The following PKP2 variants were observed in gnomAD, a reference collection of about 807,000 sequenced individuals.
The protein encoded by PKP2 is plakophilin-2.
A neutral mutation model predicts 83.4 loss-of-function variants in PKP2; 73 were observed. That is an observed-to-expected ratio of 0.88 (90% CI 0.72 to 1.06). The LOEUF (loss-of-function observed/expected upper bound fraction) is 1.06. PKP2 is among the 50% of genes least tolerant of loss of function. PKP2 has a pLI of 0.00. For missense variants in PKP2, 966 were observed against 1,065.4 expected, an observed-to-expected ratio of 0.91 and a Z score of 1.30; for synonymous variants, 409 against 430.4, an observed-to-expected ratio of 0.95 and a Z score of 0.62.
intron 5 of PKP2, among the ~76,000 whole-genome samples, chr12:32,842,032 A>G (rs891394493): frequency 6.6e-6 from 1 of 152,212 alleles, no homozygotes; most frequent in African/African-American, 2.4e-5. Context: ...AACTGAGATA[A>G]TAGCATGTTG....
chr12:32,892,075 G>A (rs1008345854), intron 1 of PKP2, among the ~76,000 whole-genome samples: 30 of 152,016 alleles, frequency 2.0e-4, no homozygotes, highest in African/African-American at 7.0e-4. Context: ...TCAGAGCAGA[G>A]GGCCATGACC....
At chr12:32,860,963 G>A (rs1286360352) in intron 4 of PKP2, among the ~76,000 whole-genome samples, 1 of 152,124 alleles carries the variant, frequency 6.6e-6, no homozygotes, top group East Asian at 1.9e-4. Flanking sequence ...GGGAGGTGGA[G>A]GTTGCAGTGA....
chr12:32,850,778 T>C lies in PKP2; in HGVS notation c.1366A>G (p.Lys456Glu). Reference protein sequence around the residue: ...LKQTRDLETKKQITGLLWNLS... With the variant: ...LKQTRDLETKEQITGLLWNLS... ...CAGTAAGCACTACCTGTTATTTGTTTTTTAGTCTCCAAGTCTCTGGTTTGC... is the reference window on the plus strand; with the variant it reads ...CAGTAAGCACTACCTGTTATTTGTTCTTTAGTCTCCAAGTCTCTGGTTTGC... Residue 456 changes from lysine (K) to glutamate (E), a missense_variant, in exon 5 of 13, where the codon AAA (lysine) becomes GAA (glutamate). Physicochemically the swap from Lys to Glu is moderately conservative, Grantham distance 56. Transcript: ENST00000340811. 6.2e-7 allele frequency: 1 copy of C among 1,612,412 alleles called. No individual in the cohort carries two copies. The highest frequency in any genetic ancestry group is 8.5e-7 in the Non-Finnish European group (1 of 1,179,660).
At chr12:32,859,797 A>G (rs1956783110) in intron 4 of PKP2, among the ~76,000 whole-genome samples, 1 of 152,172 alleles carries the variant, frequency 6.6e-6, no homozygotes, top group African/African-American at 2.4e-5. Context: ...TCTTGATTTC[A>G]AATATAAGAA....
intron 4 of PKP2, among the ~76,000 whole-genome samples, chr12:32,853,712 T>C (rs1320092317): frequency 6.6e-6 from 1 of 152,140 alleles, no homozygotes; most frequent in Non-Finnish European, 1.5e-5. Context: ...GGTTTTGCCA[T>C]GTTGGCCAGG....
intron 9 of PKP2, among the ~76,000 whole-genome samples, chr12:32,814,655 G>A (rs2137755282): frequency 6.6e-6 from 1 of 152,278 alleles, no homozygotes; most frequent in Admixed American, 6.5e-5. Context: ...TGGGCACTAT[G>A]GCTCAAGCCT....
At chr12:32,880,685 G>A (rs903779218) in intron 1 of PKP2, among the ~76,000 whole-genome samples, 5 of 152,124 alleles carry the variant, frequency 3.3e-5, no homozygotes, top group Non-Finnish European at 7.3e-5. Flanking sequence ...TTCAACTGAT[G>A]CCTGTCTCAT....
At chr12:32,843,539 G>A (rs925108112) in intron 5 of PKP2, among the ~76,000 whole-genome samples, 16 of 152,200 alleles carry the variant, frequency 1.1e-4, no homozygotes, top group African/African-American at 3.9e-4. Context: ...TGCTTCTGCT[G>A]TGCACAGGTA....
At chr12:32,843,570 C>T (rs1956620278) in intron 5 of PKP2, among the ~76,000 whole-genome samples, 2 of 152,108 alleles carry the variant, frequency 1.3e-5, no homozygotes, top group South Asian at 4.2e-4. Context: ...GAAACTGTAA[C>T]CAGATTTCCA....
intron 4 of PKP2, among the ~76,000 whole-genome samples, chr12:32,853,259 T>C (rs1956716581): frequency 6.6e-6 from 1 of 152,198 alleles, no homozygotes; most frequent in Admixed American, 6.5e-5. Context: ...ATTCAGATCT[T>C]GGATTTTTGG....
Position 32,875,758 on chromosome 12 carries a change from G to C in PKP2, c.1034+2088C>G, listed in dbSNP as rs1956926602. On this transcript the variant is annotated intron_variant, in intron 3 of 12. Coordinates refer to ENST00000340811, the MANE Select transcript of PKP2 (RefSeq NM_001005242.3). ...GACTACAGAGGGAGAAGATAAGAAT[G>C]ACTTCCAGGTTTGAAAATAGTAGAC... Among the ~76,000 whole-genome samples, 3 of 152,304 alleles carry C rather than the reference G, an allele frequency of 2.0e-5. No individual in the cohort carries two copies. In the South Asian group the frequency reaches 6.2e-4, roughly 32 times the overall value.
chr12:32,871,091 T>G (rs1192267630), intron 3 of PKP2, among the ~76,000 whole-genome samples: 1 of 152,078 alleles, frequency 6.6e-6, no homozygotes, highest in African/African-American at 2.4e-5. Flanking sequence ...GGCCCAAGTC[T>G]GACTCCATTT....
chr12:32,818,414 CTG>C (rs1387663492), intron 9 of PKP2, among the ~76,000 whole-genome samples: 2 of 152,132 alleles, frequency 1.3e-5, no homozygotes, highest in African/African-American at 4.8e-5. Context: ...TGAGCCGAGA[CTG>C]TGCCACTGCA....
rs141138287 is a variant in PKP2 at position 32,843,124 on chromosome 12, C to G, written c.1379-1919G>C. ...TCTCCTGAGTAGCTGGGATTACAGGCGCAGACCACGACACCCGGCTAATTT... is the reference window on the plus strand; with the variant it reads ...TCTCCTGAGTAGCTGGGATTACAGGGGCAGACCACGACACCCGGCTAATTT... On this transcript the variant is annotated intron_variant, in intron 5 of 12. Transcript: ENST00000340811. The G allele has an allele frequency of 2.2e-3, 901 of 410,566 alleles. 11 individuals carry two copies. Among genetic ancestry groups the G allele is most frequent in the African/African-American group, 0.017 (832 of 49,178 alleles). The allele number at this position is 410,566 out of a possible 1,614,324, so 25.4% of individuals were successfully genotyped here. A position where few individuals can be genotyped will look rare whatever the true frequency, so the allele number is the denominator to read the frequency against.
At chr12:32,883,304 G>A (rs1957001646) in intron 1 of PKP2, among the ~76,000 whole-genome samples, 1 of 152,168 alleles carries the variant, frequency 6.6e-6, no homozygotes, top group Admixed American at 6.5e-5. Flanking sequence ...AATTTGCCTA[G>A]GCAGTCATGA....
intron 9 of PKP2, among the ~76,000 whole-genome samples, chr12:32,804,373 C>T (rs1956206277): frequency 1.3e-5 from 2 of 152,090 alleles, no homozygotes; most frequent in African/African-American, 2.4e-5. Context: ...TAATGTGTAC[C>T]ATGGTGGTTT....
intron 4 of PKP2, among the ~76,000 whole-genome samples, chr12:32,858,742 AGAACTGT>A (rs1418293536): frequency 6.6e-6 from 1 of 152,234 alleles, no homozygotes. Flanking sequence ...TAATAGGTAA[AGAACTGT>A]AAGTCATTAA....
At chr12:32,886,991 ACT>A (rs1256565788) in intron 1 of PKP2, among the ~76,000 whole-genome samples, 3 of 151,538 alleles carry the variant, frequency 2.0e-5, no homozygotes, top group African/African-American at 4.9e-5. Context: ...AGAAAGCAAG[ACT>A]CTGTCTCAAA....
At chr12:32,842,322 A>G (rs1842955548) in intron 5 of PKP2, among the ~76,000 whole-genome samples, 1 of 151,990 alleles carries the variant, frequency 6.6e-6, no homozygotes, top group Admixed American at 6.5e-5. Flanking sequence ...GGTTCATTGC[A>G]ATCTCCACCT....
Sources: allele counts gnomAD v4.1 joint callset (sites outside exome capture counted in the v4.1 genomes callset), GRCh38; gene constraint gnomAD v4.1.1; transcripts MANE v1.5; gene names NCBI Gene and HGNC (gene_info 2026-07-23, HGNC 2026-07-21).